Variants in LCORL observed in about 807,000 individuals in gnomAD.
LCORL encodes the protein ligand-dependent nuclear receptor corepressor-like protein.
In LCORL, 41 loss-of-function variants were observed where a neutral mutation model predicts 141.8. That is an observed-to-expected ratio of 0.29 (90% CI 0.23 to 0.38). LCORL has a LOEUF of 0.38. Among genes scored for constraint, LCORL ranks in the 10% least tolerant of loss-of-function variants. The probability of loss-of-function intolerance (pLI) is 1.00; values close to 1 mark genes in which losing one functional copy is unlikely to be tolerated. For synonymous variants in LCORL, 618 were observed against 694.1 expected (o/e 0.89, Z 1.72); for missense variants, 1,759 against 2,035.0 (o/e 0.86, Z 2.61).
At chr4:17,893,708 T>C in intron 5 of LCORL, 1 of 426,688 alleles carries the variant, frequency 2.3e-6, no homozygotes, top group Non-Finnish European at 3.1e-6. Context: ...GAGTCCAAAA[T>C]GTGTTTTTAC....
intron 6 of LCORL, among the ~76,000 whole-genome samples, chr4:17,878,602 A>C (rs1427333682): frequency 1.3e-5 from 2 of 151,314 alleles, no homozygotes; most frequent in East Asian, 3.9e-4. Context: ...CATTAGTGCA[A>C]ATAAGGAAAA....
At chr4:17,979,484 T>C (rs1717601746) in intron 1 of LCORL, among the ~76,000 whole-genome samples, 1 of 152,228 alleles carries the variant, frequency 6.6e-6, no homozygotes, top group Admixed American at 6.5e-5. Flanking sequence ...AAAAACTTTT[T>C]AATAGCTCTC....
chr4:17,874,742 T>C, exon 7 of LCORL: 1 of 1,233,964 alleles, frequency 8.1e-7, no homozygotes, highest in Admixed American at 4.2e-5. Flanking sequence ...TTGATGAAAT[T>C]ATAGGATCCA....
rs966607946 is a variant in LCORL at position 18,011,351 on chromosome 4, A to C, written c.154+10247T>G. On this transcript the variant is annotated intron_variant, in intron 1 of 7. Coordinates refer to ENST00000635767, the Ensembl canonical transcript of LCORL. ...CTTCTTAAAACTATTGCAAACAAAA[A>C]GCCCTCAAACCTGCACCAACAACAG... Among the ~76,000 whole-genome samples, 2 of 152,092 alleles carry C rather than the reference A, an allele frequency of 1.3e-5. 1 individual carries two copies. Among genetic ancestry groups the C allele is most frequent in the South Asian group, 4.1e-4 (2 of 4,826 alleles).
chr4:17,893,448 A>G (rs1401304479), intron 5 of LCORL: 2 of 985,176 alleles, frequency 2.0e-6, no homozygotes, highest in East Asian at 1.1e-4. Flanking sequence ...TAAATTATGC[A>G]AACAGTTTAC....
At chr4:17,873,941 A>G (rs1726644039) in exon 7 of LCORL, 4 of 1,233,850 alleles carry the variant, frequency 3.2e-6, no homozygotes, top group Non-Finnish European at 4.0e-6. Context: ...TCTCAAAACT[A>G]GCATGTATTT....
intron 4 of LCORL, among the ~76,000 whole-genome samples, chr4:17,914,170 C>T (rs1298770140): frequency 2.6e-5 from 4 of 152,140 alleles, no homozygotes; most frequent in African/African-American, 4.8e-5. Flanking sequence ...TATACCATTG[C>T]TTGATGATTA....
At chr4:17,887,726 C>T (rs1728485551) in intron 5 of LCORL, among the ~76,000 whole-genome samples, 1 of 152,128 alleles carries the variant, frequency 6.6e-6, no homozygotes. Flanking sequence ...GGGTGGAAGA[C>T]TGACATGATT....
Position 18,005,635 on chromosome 4 carries a change from T to C in LCORL, c.154+15963A>G, listed in dbSNP as rs192870494. Among the ~76,000 whole-genome samples, 99 of 152,312 alleles carry C rather than the reference T, an allele frequency of 6.5e-4. 1 individual carries two copies. The South Asian group carries it at 0.015, about 23-fold the overall frequency. On this transcript the variant is annotated intron_variant, in intron 1 of 7. Transcript: ENST00000635767. The stretch of plus-strand genomic sequence containing the variant: ...ATCTAGGCAGAGGTTCCCCTAAACC[T>C]AATTCTTGACTTCTGTGCACTCACA...
At chr4:17,938,927 C>A (rs1411224005) in intron 4 of LCORL, among the ~76,000 whole-genome samples, 3 of 152,162 alleles carry the variant, frequency 2.0e-5, no homozygotes, top group African/African-American at 7.2e-5. Flanking sequence ...ACTAACACAT[C>A]TTCAACCTCA....
Position 18,021,479 on chromosome 4 carries a change from G to T in LCORL, c.154+119C>A. 1.2e-6 allele frequency: 1 copy of T among 826,760 alleles called. No individual in the cohort carries two copies. The highest frequency in any genetic ancestry group is 1.7e-6 in the Non-Finnish European group (1 of 573,226). 51.2% of individuals were successfully genotyped at this position (826,760 alleles called of 1,614,324 possible). On this transcript the variant is annotated intron_variant, in intron 1 of 7. Coordinates refer to ENST00000635767, the Ensembl canonical transcript of LCORL. This position sits in a 1 kb window ranked among gnomAD's most constrained non-coding sequence, Gnocchi z 5.5. ...CGCCGCGCCGCGCCGCTCCCATCTC[G>T]CTCCCCCACCGAACTAACCCGAACG...
At chr4:17,862,596 C>G (rs904432822) in intron 7 of LCORL, among the ~76,000 whole-genome samples, 1 of 152,182 alleles carries the variant, frequency 6.6e-6, no homozygotes, top group African/African-American at 2.4e-5. Context: ...TGATCCTTGA[C>G]AAAGCTGACA....
intron 6 of LCORL, among the ~76,000 whole-genome samples, chr4:17,885,486 TG>T (rs1370930795): frequency 3.3e-5 from 5 of 151,444 alleles, no homozygotes; most frequent in Non-Finnish European, 7.4e-5. Flanking sequence ...AGTTAGTTAA[TG>T]GGAAGATGCA....
At chr4:17,945,078 T>C (rs753880161) in intron 4 of LCORL, among the ~76,000 whole-genome samples, 6 of 152,146 alleles carry the variant, frequency 3.9e-5, no homozygotes, top group Admixed American at 6.6e-5. Context: ...GCAAGAATTA[T>C]AGATTCCTTA....
chr4:18,018,230 T>C (rs1220403322), intron 1 of LCORL, among the ~76,000 whole-genome samples: 1 of 152,162 alleles, frequency 6.6e-6, no homozygotes, highest in African/African-American at 2.4e-5. Flanking sequence ...ATATTATACA[T>C]TTCATAAGAT....
chr4:17,882,640 T>A (rs942593803), intron 6 of LCORL: 11 of 984,598 alleles, frequency 1.1e-5, no homozygotes, highest in Non-Finnish European at 1.3e-5. Flanking sequence ...AGCAAAATGA[T>A]AATGTATCGC....
At chr4:17,938,591 T>C (rs779253549) in intron 4 of LCORL, among the ~76,000 whole-genome samples, 4 of 151,572 alleles carry the variant, frequency 2.6e-5, no homozygotes, top group Non-Finnish European at 5.9e-5. Flanking sequence ...TAATTTTGTA[T>C]TTTTAGTAGA....
At chr4:18,003,615 G>C (rs1438060677) in intron 1 of LCORL, among the ~76,000 whole-genome samples, 1 of 152,176 alleles carries the variant, frequency 6.6e-6, no homozygotes, top group Non-Finnish European at 1.5e-5. Context: ...AGACATACAA[G>C]TGGAGAGAGA....
intron 7 of LCORL, among the ~76,000 whole-genome samples, chr4:17,853,399 T>C (rs1384193445): frequency 6.6e-6 from 1 of 152,112 alleles, no homozygotes; most frequent in African/African-American, 2.4e-5. Flanking sequence ...CTCATGGCAT[T>C]AACTAAATAA....
Sources: allele counts gnomAD v4.1 joint callset (sites outside exome capture counted in the v4.1 genomes callset), GRCh38; gene constraint gnomAD v4.1.1; non-coding constraint Gnocchi (gnomAD v3.1); transcripts MANE v1.5; gene names NCBI Gene and HGNC (gene_info 2026-07-23, HGNC 2026-07-21).